CPNE4: variants seen among roughly 807,000 people sequenced by gnomAD.
The protein encoded by CPNE4 is copine-4.
CPNE4 carries 25 observed loss-of-function variants against 67.9 expected under a neutral mutation model. That is an observed-to-expected ratio of 0.37 (90% CI 0.27 to 0.51). CPNE4 has a LOEUF of 0.51. CPNE4 is among the 20% of genes least tolerant of loss of function. The pLI is 0.93. For missense variants in CPNE4, 464 were observed against 690.8 expected (o/e 0.67, Z 3.68); for synonymous variants, 242 against 244.9 (o/e 0.99, Z 0.11).
intron 1 of CPNE4, among the ~76,000 whole-genome samples, chr3:131,943,821 C>T (rs546157305): frequency 1.2e-4 from 19 of 152,184 alleles, no homozygotes; most frequent in African/African-American, 2.4e-4. Context: ...TGTACAAAAC[C>T]GCTCCCTCCT....
intron 2 of CPNE4, among the ~76,000 whole-genome samples, chr3:131,791,374 C>A (rs1344306510): frequency 6.6e-6 from 1 of 152,144 alleles, no homozygotes; most frequent in Non-Finnish European, 1.5e-5. Flanking sequence ...CAACAACTGA[C>A]AAGTCAATGA....
upstream of CPNE4, chr3:132,035,106 C>T (rs899117003): frequency 4.1e-6 from 4 of 971,178 alleles, no homozygotes; most frequent in Non-Finnish European, 4.9e-6. Context: ...ACGAGCATTG[C>T]CCCGGGAACC....
chr3:131,778,574 G>A (rs1560291943), intron 2 of CPNE4, among the ~76,000 whole-genome samples: 1 of 152,108 alleles, frequency 6.6e-6, no homozygotes, highest in African/African-American at 2.4e-5. Context: ...TCCCTCCATA[G>A]TCTGTGTTTT....
At chr3:131,646,896 T>C (rs1220960217) in intron 7 of CPNE4, among the ~76,000 whole-genome samples, 3 of 152,334 alleles carry the variant, frequency 2.0e-5, no homozygotes, top group Non-Finnish European at 4.4e-5. Flanking sequence ...GGGAATATCT[T>C]TGTTACCTTG....
At chr3:131,959,755 T>C (rs555340815) in intron 1 of CPNE4, among the ~76,000 whole-genome samples, 1 of 152,250 alleles carries the variant, frequency 6.6e-6, no homozygotes, top group African/African-American at 2.4e-5. Context: ...GGGTGATCTG[T>C]TTTGCTCCCC....
At chr3:131,606,571 A>G (rs1177182827) in intron 7 of CPNE4, among the ~76,000 whole-genome samples, 1 of 152,146 alleles carries the variant, frequency 6.6e-6, no homozygotes, top group Non-Finnish European at 1.5e-5. Flanking sequence ...GCTCTGGTCT[A>G]GTGTCCACGA....
At chr3:131,853,516 T>G (rs930816317) in intron 2 of CPNE4, among the ~76,000 whole-genome samples, 1 of 151,810 alleles carries the variant, frequency 6.6e-6, no homozygotes, top group Admixed American at 6.6e-5. Flanking sequence ...AAGACAATTA[T>G]TTCTTGGGTA....
At chr3:131,576,569 A>G (rs1229234632) in intron 9 of CPNE4, among the ~76,000 whole-genome samples, 1 of 152,158 alleles carries the variant, frequency 6.6e-6, no homozygotes, top group Non-Finnish European at 1.5e-5. Flanking sequence ...ACATGGAGAC[A>G]GATGTCTGTA....
At chr3:131,659,445 T>TAGA (rs1305400700) in intron 7 of CPNE4, among the ~76,000 whole-genome samples, 3 of 152,192 alleles carry the variant, frequency 2.0e-5, no homozygotes, top group Non-Finnish European at 4.4e-5. Flanking sequence ...TGCAACTTAT[T>TAGA]TAGATGGACA....
At chr3:131,723,974 A>AT (rs766029944) in intron 2 of CPNE4, among the ~76,000 whole-genome samples, 3 of 152,070 alleles carry the variant, frequency 2.0e-5, no homozygotes, top group Non-Finnish European at 4.4e-5. Context: ...AACAGTAAAA[A>AT]TTTTTGAGTA....
chr3:131,901,020 G>A (rs771966498), intron 2 of CPNE4, among the ~76,000 whole-genome samples: 2 of 152,112 alleles, frequency 1.3e-5, no homozygotes, highest in Non-Finnish European at 2.9e-5. Flanking sequence ...GAAGTTTGGA[G>A]TATAATTTGG....
In CPNE4 at chr3:131,821,317, TAG is replaced by T. The variant is rs938373747; in HGVS notation, c.180+83945_180+83946del. 9.8e-5 allele frequency among the ~76,000 whole-genome samples: 15 copies of T among 152,324 alleles called. No homozygotes were observed. The East Asian group carries it at 2.5e-3, about 25-fold the overall frequency. ...CATTTGTTAGAGAATACTGGGAATT[TAG>T]AGAGAATCCACAGAAGGCTGGGGAA... is the stretch of plus-strand genomic sequence containing the variant. On this transcript the variant is annotated intron_variant, in intron 2 of 15. Coordinates refer to ENST00000429747, the MANE Select transcript of CPNE4 (RefSeq NM_130808.3).
intron 2 of CPNE4, among the ~76,000 whole-genome samples, chr3:131,833,338 A>G (rs1193566989): frequency 2.0e-5 from 3 of 152,184 alleles, no homozygotes; most frequent in Non-Finnish European, 4.4e-5. Flanking sequence ...TAATCTCTCA[A>G]TATCTACAGC....
intron 2 of CPNE4, among the ~76,000 whole-genome samples, chr3:131,771,409 C>T (rs745914398): frequency 1.3e-5 from 2 of 151,998 alleles, no homozygotes; most frequent in Non-Finnish European, 2.9e-5. Flanking sequence ...GGGGTCAGAT[C>T]CCTCATGGAT....
rs374166290 is a variant in CPNE4, at chr3:131,868,986, G to C, written c.180+36278C>G. Among the ~76,000 whole-genome samples the C allele has an allele frequency of 6.0e-4, 92 of 152,238 alleles. 1 individual carries two copies. In the South Asian group the frequency reaches 0.019, roughly 31 times the overall value. The stretch of plus-strand genomic sequence containing the variant: ...TCAGAATGCAGTATCAGAAATGTTA[G>C]GCAAATGATCAAAAAGTACCACGTT... On this transcript the variant is annotated intron_variant, in intron 2 of 15. Transcript: ENST00000429747.
chr3:131,901,240 G>C (rs2088541045), intron 2 of CPNE4, among the ~76,000 whole-genome samples: 1 of 152,100 alleles, frequency 6.6e-6, no homozygotes, highest in Admixed American at 6.6e-5. Flanking sequence ...TTAGTTCCAG[G>C]AGCTAGTGAA....
intron 7 of CPNE4, among the ~76,000 whole-genome samples, chr3:131,609,549 G>A (rs1939706065): frequency 6.6e-6 from 1 of 152,162 alleles, no homozygotes; most frequent in East Asian, 1.9e-4. Flanking sequence ...ATCATTGTAT[G>A]AAGACTGCCC....
At chr3:131,956,252 T>G (rs775290308) in intron 1 of CPNE4, among the ~76,000 whole-genome samples, 1 of 152,188 alleles carries the variant, frequency 6.6e-6, no homozygotes, top group East Asian at 1.9e-4. Flanking sequence ...TTTTTTTCTT[T>G]TTGTGTTCTC....
chr3:131,690,509 C>T (rs2081010318), intron 5 of CPNE4, among the ~76,000 whole-genome samples: 1 of 152,020 alleles, frequency 6.6e-6, no homozygotes, highest in Admixed American at 6.6e-5. Flanking sequence ...GAAACTTGAC[C>T]CTTACATTTC....
Sources: allele counts gnomAD v4.1 joint callset (sites outside exome capture counted in the v4.1 genomes callset), GRCh38; gene constraint gnomAD v4.1.1; transcripts MANE v1.5; gene names NCBI Gene and HGNC (gene_info 2026-07-23, HGNC 2026-07-21).